Variants in CDC42BPA observed in about 807,000 individuals in gnomAD.
CDC42BPA encodes CDC42 binding protein kinase alpha.
A neutral mutation model predicts 223.5 loss-of-function variants in CDC42BPA; 80 were observed. That is an observed-to-expected ratio of 0.36 (90% CI 0.30 to 0.43). The LOEUF (loss-of-function observed/expected upper bound fraction) is 0.43. CDC42BPA is among the 20% of genes least tolerant of loss of function. CDC42BPA has a pLI of 1.00. For synonymous variants in CDC42BPA, 694 were observed against 718.6 expected (o/e 0.97, Z 0.55); for missense variants, 1,743 against 2,099.9 (o/e 0.83, Z 3.32).
chr1:227,122,441 CA>C (rs1688812017), intron 11 of CDC42BPA, among the ~76,000 whole-genome samples: 1 of 152,138 alleles, frequency 6.6e-6, no homozygotes, highest in Non-Finnish European at 1.5e-5. Flanking sequence ...GATGATATCA[CA>C]GGGGATAGCT....
intron 14 of CDC42BPA, among the ~76,000 whole-genome samples, chr1:227,104,166 C>A (rs1373456422): frequency 6.6e-6 from 1 of 151,764 alleles, no homozygotes; most frequent in African/African-American, 2.4e-5. Context: ...ACTAATAAAC[C>A]AAGAAATAAA....
At chr1:227,176,893 C>A (rs1455299104) in intron 5 of CDC42BPA, among the ~76,000 whole-genome samples, 1 of 151,904 alleles carries the variant, frequency 6.6e-6, no homozygotes, top group Non-Finnish European at 1.5e-5. Flanking sequence ...AAATCTTTAT[C>A]ATAAAGCTTC....
intron 17 of CDC42BPA, among the ~76,000 whole-genome samples, chr1:227,076,120 A>T (rs949297443): frequency 6.6e-5 from 10 of 152,092 alleles, no homozygotes; most frequent in African/African-American, 2.4e-4. Flanking sequence ...ACTGGTTTGG[A>T]GGGCAACTCA....
rs1397820094 is a variant in CDC42BPA, at chr1:227,317,812, GC to G, written c.-631del. On this transcript the variant is annotated 5_prime_UTR_variant, in exon 1 of 37. Coordinates refer to ENST00000366766, the MANE Select transcript of CDC42BPA (RefSeq NM_001394014.1). Reference sequence around the variant, plus strand: ...GAAGCAGCCCCTCGGCTCGGAGCACGCCAAGTCTTGCCCGGAGGCGGCTTTT... The same window carrying G: ...GAAGCAGCCCCTCGGCTCGGAGCACGCAAGTCTTGCCCGGAGGCGGCTTTT... 2.5e-6 allele frequency: 1 copy of G among 398,570 alleles called. No homozygotes were observed. Among genetic ancestry groups the G allele is most frequent in the Non-Finnish European group, 4.4e-6 (1 of 226,114 alleles). 24.7% of individuals were successfully genotyped at this position (398,570 alleles called of 1,614,324 possible). A position where few individuals can be genotyped will look rare whatever the true frequency, so the allele number is the denominator to read the frequency against.
intron 1 of CDC42BPA, among the ~76,000 whole-genome samples, chr1:227,288,536 T>C (rs1689164907): frequency 6.6e-6 from 1 of 151,944 alleles, no homozygotes; most frequent in African/African-American, 2.4e-5. Flanking sequence ...CCATCTCTAC[T>C]AAAAATACAA....
At position 227,315,578 on chromosome 1, in the gene CDC42BPA, T is replaced by TAAAAAA. The variant is rs10635986; in HGVS notation, c.178+1421_178+1426dup. Reference sequence around the variant, plus strand: ...AAAAGTACCAAAACCCTTTAAGTCTTAAAAAAAAAAATTAACACTACAGAA... The same window carrying TAAAAAA: ...AAAAGTACCAAAACCCTTTAAGTCTTAAAAAAAAAAAAAAAAATTAACACTACAGAA... On this transcript the variant is annotated intron_variant, in intron 1 of 36. Transcript: ENST00000366766. Among the ~76,000 whole-genome samples, 81 of 148,550 alleles carry TAAAAAA rather than the reference T, an allele frequency of 5.5e-4. 1 individual carries two copies. Among genetic ancestry groups the TAAAAAA allele is most frequent in the Admixed American group, 1.1e-3 (17 of 14,942 alleles).
intron 23 of CDC42BPA, among the ~76,000 whole-genome samples, chr1:227,046,479 C>T (rs1327570721): frequency 6.6e-6 from 1 of 152,132 alleles, no homozygotes; most frequent in African/African-American, 2.4e-5. Flanking sequence ...TGTGGTTTTG[C>T]ACTTCTTTCT....
chr1:227,182,542 C>T (rs1668110300), intron 5 of CDC42BPA, among the ~76,000 whole-genome samples: 1 of 152,176 alleles, frequency 6.6e-6, no homozygotes, highest in African/African-American at 2.4e-5. Flanking sequence ...ACTCTTCCAC[C>T]AGCTTCCCCC....
At chr1:227,149,154 G>A (rs373020374) in intron 6 of CDC42BPA, among the ~76,000 whole-genome samples, 22 of 152,160 alleles carry the variant, frequency 1.4e-4, no homozygotes, top group Non-Finnish European at 2.9e-4. Context: ...AAGCAGAGAC[G>A]GACAAGACAT....
At chr1:227,213,035 C>A (rs1026208776) in intron 3 of CDC42BPA, 101 bp downstream of exon 3, 7 of 585,284 alleles carry the variant, frequency 1.2e-5, no homozygotes, top group Non-Finnish European at 1.8e-5. Context: ...TCACCACAGA[C>A]AAAATGTTAC....
At chr1:227,027,494 C>G (rs193295237) in intron 30 of CDC42BPA, among the ~76,000 whole-genome samples, 130 of 152,298 alleles carry the variant, frequency 8.5e-4, no homozygotes, top group Non-Finnish European at 1.6e-3. Flanking sequence ...CGGTCTTACT[C>G]TATTTCCCAT....
At chr1:227,094,984 CTA>C (rs1683729740) in intron 15 of CDC42BPA, among the ~76,000 whole-genome samples, 1 of 152,194 alleles carries the variant, frequency 6.6e-6, no homozygotes, top group African/African-American at 2.4e-5. Context: ...TGGAGAAACA[CTA>C]TGGTAGGTGT....
chr1:227,044,462 T>C (rs1295192281), intron 23 of CDC42BPA, among the ~76,000 whole-genome samples: 1 of 152,210 alleles, frequency 6.6e-6, no homozygotes, highest in Non-Finnish European at 1.5e-5. Context: ...TACATACACA[T>C]GGTTGAAAAA....
At chr1:227,178,228 G>A (rs184969164) in intron 5 of CDC42BPA, 5 of 152,324 alleles carry the variant, frequency 3.3e-5, no homozygotes, top group African/African-American at 1.2e-4. Context: ...GGACCCAGTG[G>A]GAGATAACTG....
chr1:227,091,891 C>G lies in CDC42BPA; in HGVS notation c.2350G>C (p.Asp784His). 1.3e-6 allele frequency: 2 copies of G among 1,570,634 alleles called. No individual in the cohort carries two copies. Among genetic ancestry groups the G allele is most frequent in the Non-Finnish European group, 8.7e-7 (1 of 1,145,564 alleles). ...EENKKLTSELDKLTTLYENLS... is the reference protein window; with the variant it reads ...EENKKLTSELHKLTTLYENLS... ...TATGAGATTAAATCACTCACCTTATCAAGTTCACTCGTCAGCTTTTTATTT... is the reference window on the plus strand; with the variant it reads ...TATGAGATTAAATCACTCACCTTATGAAGTTCACTCGTCAGCTTTTTATTT... The change falls in exon 16 of 37, where the codon GAT becomes CAT. Residue 784 changes from aspartate (D) to histidine (H), a missense_variant. Physicochemically the swap from Asp to His is moderately conservative, Grantham distance 81. This residue lies in a region of CDC42BPA where 464 missense variants were observed against 488.0 expected (regional missense o/e 0.95). Coordinates refer to ENST00000366766, the MANE Select transcript of CDC42BPA (RefSeq NM_001394014.1).
chr1:227,250,739 A>G (rs1681853248), intron 2 of CDC42BPA, among the ~76,000 whole-genome samples: 1 of 151,986 alleles, frequency 6.6e-6, no homozygotes, highest in African/African-American at 2.4e-5. Context: ...ATTTGTTATC[A>G]GCAGACTTAC....
intron 27 of CDC42BPA, 120 bp downstream of exon 27, chr1:227,033,214 T>C (rs1669631908): frequency 4.9e-6 from 3 of 614,532 alleles, no homozygotes; most frequent in Admixed American, 5.6e-5. Flanking sequence ...TGATATGGAA[T>C]ATATAAAAGA....
At chr1:227,307,917 T>C (rs1692836177) in intron 1 of CDC42BPA, among the ~76,000 whole-genome samples, 2 of 152,224 alleles carry the variant, frequency 1.3e-5, no homozygotes, top group African/African-American at 4.8e-5. Flanking sequence ...ATTAGTCATC[T>C]CATATTTGTT....
chr1:227,156,936 C>T (rs1662929931), intron 6 of CDC42BPA, among the ~76,000 whole-genome samples: 1 of 152,140 alleles, frequency 6.6e-6, no homozygotes, highest in Admixed American at 6.5e-5. Context: ...TCAGCAACAC[C>T]ACCATGCTAT....
Sources: allele counts gnomAD v4.1 joint callset (sites outside exome capture counted in the v4.1 genomes callset), GRCh38; gene constraint gnomAD v4.1.1; regional missense constraint gnomAD v4.1.1; transcripts MANE v1.5; gene names NCBI Gene and HGNC (gene_info 2026-07-23, HGNC 2026-07-21).